Variants in ZC3HAV1 observed in about 807,000 individuals in gnomAD.
ZC3HAV1 encodes zinc finger CCCH-type antiviral protein 1.
ZC3HAV1 carries 41 observed loss-of-function variants against 86.6 expected under a neutral mutation model. The observed-to-expected ratio is 0.47, with a 90% CI of 0.37 to 0.61. The LOEUF (loss-of-function observed/expected upper bound fraction) is 0.61, where lower values mean the gene tolerates loss of function less well. ZC3HAV1 is among the 20% of genes least tolerant of loss of function. The pLI, the probability that ZC3HAV1 is intolerant of heterozygous loss-of-function variation, is 0.00. For missense variants in ZC3HAV1, 964 were observed against 1,141.1 expected (o/e 0.84, Z 2.24); for synonymous variants, 421 against 432.1 (o/e 0.97, Z 0.32).
intron 1 of ZC3HAV1, among the ~76,000 whole-genome samples, chr7:139,097,125 G>A (rs1376192430): frequency 6.6e-6 from 1 of 151,330 alleles, no homozygotes; most frequent in African/African-American, 2.4e-5. Context: ...GTGAGAGAGG[G>A]AGGCTCTGTC....
chr7:139,078,478 A>G lies in ZC3HAV1; in HGVS notation c.1573+74T>C, dbSNP rs116318652. 9.2e-4 allele frequency: 1,015 copies of G among 1,108,984 alleles called. 6 individuals are homozygous for G. The African/African-American group carries it at 0.014, about 15-fold the overall frequency. 68.7% of individuals were successfully genotyped at this position (1,108,984 alleles called of 1,614,324 possible). ...CAGGGTTTTCAGAAGGCATTTGCAC[A>G]CCCATGTTCATAGCAGTGTTATTTA... On this transcript the variant is annotated intron_variant, in intron 5 of 12. Coordinates refer to ENST00000242351, the MANE Select transcript of ZC3HAV1 (RefSeq NM_020119.4).
rs781608995 is a variant in ZC3HAV1 at position 139,109,173 on chromosome 7, C to A, written c.159G>T (p.Glu53Asp). 6.2e-7 allele frequency: 1 copy of A among 1,602,464 alleles called. No homozygotes were observed. Among genetic ancestry groups the A allele is most frequent in the Admixed American group, 1.7e-5 (1 of 58,198 alleles). ...VAGPDRFVVL[E>D]TGGEAGITRS... ...GGGTGATCCCGGCCTCGCCGCCGGT[C>A]TCCAACACCACAAAGCGGTCGGGCC... Residue 53 changes from glutamate (E) to aspartate (D), a missense_variant, in exon 1 of 13, where the codon GAG becomes GAT. Transcript: ENST00000242351.
chr7:139,050,469 T>C (rs1033869275), intron 12 of ZC3HAV1, among the ~76,000 whole-genome samples: 1 of 152,102 alleles, frequency 6.6e-6, no homozygotes, highest in South Asian at 2.1e-4. Flanking sequence ...TTGTGATCAA[T>C]CAACTCTCAT....
chr7:139,063,252 A>AT (rs55681761), intron 8 of ZC3HAV1, among the ~76,000 whole-genome samples: 89,018 of 151,562 alleles, frequency 0.59, 28,524 homozygotes, highest in African/African-American at 0.83. Flanking sequence ...CCACCTAAGA[A>AT]TTTTTTTAAT....
At chr7:139,084,245 A>G (rs932477906) in intron 2 of ZC3HAV1, among the ~76,000 whole-genome samples, 2 of 152,192 alleles carry the variant, frequency 1.3e-5, no homozygotes, top group African/African-American at 4.8e-5. Flanking sequence ...ACCAAAAGAT[A>G]CTGATCAATT....
chr7:139,064,676 T>A (rs1816545732), intron 8 of ZC3HAV1, among the ~76,000 whole-genome samples: 1 of 152,086 alleles, frequency 6.6e-6, no homozygotes, highest in African/African-American at 2.4e-5. Context: ...GTGCCCCTCC[T>A]AGGGTGGCAG....
At chr7:139,079,078 G>A (rs1300864368) in intron 4 of ZC3HAV1, 1 of 1,535,024 alleles carries the variant, frequency 6.5e-7, no homozygotes, top group Non-Finnish European at 8.7e-7. Flanking sequence ...AAGACACAGA[G>A]GCCCCTTTGT....
intron 1 of ZC3HAV1, among the ~76,000 whole-genome samples, chr7:139,097,598 C>A (rs1447513910): frequency 1.3e-5 from 2 of 150,460 alleles, no homozygotes; most frequent in South Asian, 2.1e-4. Flanking sequence ...CCACGCTCGG[C>A]TAATTTTTTG....
In ZC3HAV1 at chr7:139,047,570, C is replaced by CT. The variant is rs780455826; in HGVS notation, c.*23dup. ...AAAGGAACAGAATGGTTATGGCATC[C>CT]TTCTGACGCTGTATTCATCGGTTCT... On this transcript the variant is annotated 3_prime_UTR_variant, in exon 13 of 13. Coordinates refer to ENST00000242351, the MANE Select transcript of ZC3HAV1 (RefSeq NM_020119.4). The CT allele has an allele frequency of 1.9e-6, 3 of 1,613,118 alleles. No homozygotes were observed. The East Asian group carries it at 6.7e-5, about 36-fold the overall frequency.
chr7:139,079,305 T>C (rs763405057), intron 4 of ZC3HAV1, 165 bp downstream of exon 4: 1 of 1,539,208 alleles, frequency 6.5e-7, no homozygotes. Flanking sequence ...AGACTCTGAC[T>C]TCCAGTACGT....
chr7:139,079,135 C>T lies in ZC3HAV1; in HGVS notation c.1471+335G>A, dbSNP rs986587497. The T allele has an allele frequency of 3.3e-6, 5 of 1,536,048 alleles. No homozygotes were observed. In the African/African-American group the frequency reaches 6.8e-5, roughly 21 times the overall value. ...CAGAGCCTGTTGTCTTCCTTGTGAG[C>T]TCGCTGGCAGAGGAAACAGGAACCT... On this transcript the variant is annotated intron_variant, in intron 4 of 12. Transcript: ENST00000242351.
chr7:139,105,775 T>C (rs1817916248), intron 1 of ZC3HAV1, among the ~76,000 whole-genome samples: 1 of 152,178 alleles, frequency 6.6e-6, no homozygotes, highest in African/African-American at 2.4e-5. Flanking sequence ...CAGACCCCAT[T>C]AACTGGTAAT....
intron 3 of ZC3HAV1, among the ~76,000 whole-genome samples, chr7:139,081,706 C>T (rs1349840157): frequency 2.0e-5 from 3 of 152,192 alleles, no homozygotes; most frequent in East Asian, 1.9e-4. Flanking sequence ...TTTCTTTACC[C>T]TCTTAAGTAA....
chr7:139,102,511 A>G (rs1817803567), intron 1 of ZC3HAV1, among the ~76,000 whole-genome samples: 2 of 152,210 alleles, frequency 1.3e-5, no homozygotes, highest in African/African-American at 4.8e-5. Context: ...TCAGGGAATC[A>G]GAGTAGACCT....
rs186344902 is a variant in ZC3HAV1, at chr7:139,089,861, T to C, written c.309-102A>G. On this transcript the variant is annotated intron_variant, in intron 1 of 12. Coordinates refer to ENST00000242351, the MANE Select transcript of ZC3HAV1 (RefSeq NM_020119.4). ...AGTCTGCAAAGACCCGTGCCCATAT[T>C]CTCTGACAACAGACACAGGTTGGTT... The C allele has an allele frequency of 2.3e-4, 291 of 1,293,014 alleles. 1 individual carries two copies. The African/African-American group carries it at 4.1e-3, about 18-fold the overall frequency. 80.1% of individuals were successfully genotyped at this position (1,293,014 alleles called of 1,614,324 possible).
rs367919128 is a variant in ZC3HAV1 at position 139,047,328 on chromosome 7, CAAAAAAAA to C, written c.*258_*265del. Reference sequence around the variant, plus strand: ...TGGACGATGGAGTGAGATTCAGTCTCAAAAAAAAAAAAAAAAAAAAAAATACAACTGCC... The same window carrying C: ...TGGACGATGGAGTGAGATTCAGTCTCAAAAAAAAAAAAAAATACAACTGCC... On this transcript the variant is annotated 3_prime_UTR_variant, in exon 13 of 13. Transcript: ENST00000242351. 7.5e-3 allele frequency: 1,942 copies of C among 260,054 alleles called. No individual in the cohort carries two copies. Among genetic ancestry groups the C allele is most frequent in the South Asian group, 0.016 (476 of 29,246 alleles). The allele number at this position is 260,054 out of a possible 1,614,324, so 16.1% of individuals were successfully genotyped here. A position where few individuals can be genotyped will look rare whatever the true frequency, so the allele number is the denominator to read the frequency against.
chr7:139,057,040 A>C (rs1258319546), intron 9 of ZC3HAV1, among the ~76,000 whole-genome samples: 1 of 152,162 alleles, frequency 6.6e-6, no homozygotes, highest in Non-Finnish European at 1.5e-5. Context: ...TTTACATTAA[A>C]ATATTCCAGC....
rs1398385180 is a variant in ZC3HAV1, at chr7:139,108,254, C to A, written c.308+770G>T. Among the ~76,000 whole-genome samples, 1 of 150,886 alleles carries A rather than the reference C, an allele frequency of 6.6e-6. No individual in the cohort carries two copies. The highest frequency in any genetic ancestry group is 1.5e-5 in the Non-Finnish European group (1 of 67,820). On this transcript the variant is annotated intron_variant, in intron 1 of 12. Coordinates refer to ENST00000242351, the MANE Select transcript of ZC3HAV1 (RefSeq NM_020119.4). This position sits in a 1 kb window ranked among gnomAD's most constrained non-coding sequence, Gnocchi z 4.2. ...AAGAGTCTTAACCCAAACCTTGCAG[C>A]GCATCTGCATTTAGACGAAAAAAAA...
intron 2 of ZC3HAV1, among the ~76,000 whole-genome samples, chr7:139,085,524 A>G (rs1032445107): frequency 1.3e-5 from 2 of 152,324 alleles, no homozygotes; most frequent in East Asian, 3.9e-4. Context: ...TAACATTGTG[A>G]CTAACACTTG....
Sources: allele counts gnomAD v4.1 joint callset (sites outside exome capture counted in the v4.1 genomes callset), GRCh38; gene constraint gnomAD v4.1.1; non-coding constraint Gnocchi (gnomAD v3.1); transcripts MANE v1.5; gene names NCBI Gene and HGNC (gene_info 2026-07-23, HGNC 2026-07-21).